Variants in GRM5 observed in about 807,000 individuals in gnomAD.
GRM5 encodes the protein glutamate metabotropic receptor 5, also known as metabotropic glutamate receptor 5.
A neutral mutation model predicts 83.1 loss-of-function variants in GRM5; 19 were observed. The ratio of observed to expected loss-of-function variants is 0.23; its 90% CI spans 0.16 to 0.34. The LOEUF is 0.34. Among genes scored for constraint, GRM5 ranks in the 10% least tolerant of loss-of-function variants. The pLI is 1.00. For missense variants in GRM5, 1,160 were observed against 1,588.3 expected (o/e 0.73, Z 4.58); for synonymous variants, 675 against 633.6 (o/e 1.07, Z -0.98).
chr11:88,898,433 A>C (rs914602959), intron 2 of GRM5, among the ~76,000 whole-genome samples: 1 of 151,998 alleles, frequency 6.6e-6, no homozygotes, highest in Non-Finnish European at 1.5e-5. Flanking sequence ...CCAAAACACC[A>C]GTTTGCTTAA....
At chr11:88,840,226 C>A (rs1258886359) in intron 3 of GRM5, among the ~76,000 whole-genome samples, 1 of 152,112 alleles carries the variant, frequency 6.6e-6, no homozygotes, top group African/African-American at 2.4e-5. Flanking sequence ...ATTTCAGTCC[C>A]TGTATCATAG....
chr11:88,950,351 AGTGTGTGTGT>A (rs55646353), intron 2 of GRM5, among the ~76,000 whole-genome samples: 4 of 147,394 alleles, frequency 2.7e-5, no homozygotes, highest in Admixed American at 1.4e-4. Context: ...TTGTGAGATA[AGTGTGTGTGT>A]GTGTGTGTGT....
At chr11:89,061,378 T>A (rs1941989358) in intron 1 of GRM5, among the ~76,000 whole-genome samples, 1 of 152,174 alleles carries the variant, frequency 6.6e-6, no homozygotes, top group African/African-American at 2.4e-5. Flanking sequence ...TAATTTAGTT[T>A]CTCTAACCAA....
intron 2 of GRM5, among the ~76,000 whole-genome samples, chr11:88,941,316 T>C (rs1938081420): frequency 1.3e-5 from 2 of 149,662 alleles, no homozygotes; most frequent in Admixed American, 6.7e-5. Context: ...AAAATAATCA[T>C]GAAACTAATG....
intron 3 of GRM5, among the ~76,000 whole-genome samples, chr11:88,703,160 G>A (rs1171761056): frequency 6.6e-6 from 1 of 151,974 alleles, no homozygotes; most frequent in Non-Finnish European, 1.5e-5. Flanking sequence ...TCTGTAACCT[G>A]GAGAAAGCGC....
At chr11:88,825,214 A>C (rs1943873956) in intron 3 of GRM5, among the ~76,000 whole-genome samples, 2 of 151,112 alleles carry the variant, frequency 1.3e-5, no homozygotes, top group Non-Finnish European at 2.9e-5. Flanking sequence ...AAAATCAACT[A>C]CACTGGATCC....
At chr11:88,922,741 T>C (rs1030887361) in intron 2 of GRM5, among the ~76,000 whole-genome samples, 1 of 151,934 alleles carries the variant, frequency 6.6e-6, no homozygotes, top group African/African-American at 2.4e-5. Flanking sequence ...TCATATCAAG[T>C]TAAAAATCTC....
chr11:88,927,216 G>A (rs1194933954), intron 2 of GRM5, among the ~76,000 whole-genome samples: 1 of 149,594 alleles, frequency 6.7e-6, no homozygotes, highest in Non-Finnish European at 1.5e-5. Flanking sequence ...CCCTCCTCCT[G>A]TTGGCCTTAT....
At chr11:88,830,688 A>G (rs981861430) in intron 3 of GRM5, among the ~76,000 whole-genome samples, 2 of 152,206 alleles carry the variant, frequency 1.3e-5, no homozygotes, top group East Asian at 3.9e-4. Context: ...AGAGAGAGCT[A>G]CGTGAAGACA....
chr11:88,604,567 C>G (rs1238160921), intron 5 of GRM5, 151 bp downstream of exon 5: 1 of 678,042 alleles, frequency 1.5e-6, no homozygotes, highest in Non-Finnish European at 2.5e-6. Context: ...GGGGCTTCTT[C>G]TCTCTATCTT....
intron 3 of GRM5, among the ~76,000 whole-genome samples, chr11:88,691,919 T>A (rs958823440): frequency 6.6e-6 from 1 of 152,212 alleles, no homozygotes; most frequent in African/African-American, 2.4e-5. Context: ...AGCAGCTCCC[T>A]GTGAGCAACA....
At chr11:88,808,595 T>C (rs987933852) in intron 3 of GRM5, among the ~76,000 whole-genome samples, 1 of 151,978 alleles carries the variant, frequency 6.6e-6, no homozygotes, top group Non-Finnish European at 1.5e-5. Context: ...TGAGAATTTC[T>C]CAAAGCCACA....
intron 3 of GRM5, among the ~76,000 whole-genome samples, chr11:88,750,834 T>C (rs1367348556): frequency 2.6e-5 from 4 of 151,952 alleles, no homozygotes; most frequent in South Asian, 2.1e-4. Context: ...CTTGGGTAAA[T>C]AATGAAATTA....
Position 88,664,725 on chromosome 11 carries a change from G to A in GRM5, c.912-11322C>T, listed in dbSNP as rs1042958663. Among the ~76,000 whole-genome samples the A allele has an allele frequency of 2.6e-5, 4 of 152,192 alleles. No individual in the cohort carries two copies. The East Asian group carries it at 5.8e-4, about 22-fold the overall frequency. Reference sequence around the variant, plus strand: ...GCCTCCCAAAGTGCTGGGATTACAGGTGTGAGCCACAGTGCCCAGCCTCAC... The same window carrying A: ...GCCTCCCAAAGTGCTGGGATTACAGATGTGAGCCACAGTGCCCAGCCTCAC... On this transcript the variant is annotated intron_variant, in intron 3 of 9. Coordinates refer to ENST00000305447, the MANE Select transcript of GRM5 (RefSeq NM_001143831.3).
chr11:88,957,478 C>A (rs1002076486), intron 2 of GRM5, among the ~76,000 whole-genome samples: 3 of 152,240 alleles, frequency 2.0e-5, no homozygotes, highest in African/African-American at 4.8e-5. Context: ...ATGACAAGAT[C>A]TTGAACTTAG....
chr11:88,897,419 A>G (rs1029810211), intron 2 of GRM5, among the ~76,000 whole-genome samples: 1 of 151,894 alleles, frequency 6.6e-6, no homozygotes, highest in Admixed American at 6.6e-5. Context: ...TAATCTGCAA[A>G]AAGTCTATTA....
chr11:88,595,882 T>C (rs958406297), intron 6 of GRM5, among the ~76,000 whole-genome samples: 1 of 152,336 alleles, frequency 6.6e-6, no homozygotes. Flanking sequence ...CTCCAAGGTA[T>C]ATTCTTGGTC....
intron 2 of GRM5, among the ~76,000 whole-genome samples, chr11:88,950,612 A>T (rs180921179): frequency 6.6e-6 from 1 of 152,214 alleles, no homozygotes; most frequent in African/African-American, 2.4e-5. Context: ...ATTCATTATT[A>T]GAATGGCAAA....
At chr11:88,944,466 A>G (rs899872129) in intron 2 of GRM5, among the ~76,000 whole-genome samples, 6 of 151,986 alleles carry the variant, frequency 3.9e-5, no homozygotes, top group Non-Finnish European at 8.8e-5. Flanking sequence ...TAGCCAAGCT[A>G]ATAACATATC....
Sources: gnomAD v4.1 joint callset for allele counts (sites outside exome capture counted in the v4.1 genomes callset) on GRCh38, gnomAD v4.1.1 for gene constraint, MANE v1.5 for transcripts, NCBI Gene and HGNC (gene_info 2026-07-23, HGNC 2026-07-21) for gene names.